The following BMAL2 variants were observed in gnomAD, a reference collection of about 807,000 sequenced individuals.
BMAL2 encodes basic helix-loop-helix ARNT like 2, also known as basic helix-loop-helix ARNT-like protein 2.
the BMAL2 span, among the ~76,000 whole-genome samples, chr12:27,395,852 G>C: frequency 6.6e-6 from 1 of 152,220 alleles, no homozygotes; most frequent in African/African-American, 2.4e-5. Flanking sequence ...ACTAGACTCT[G>C]CCTCCCAACA....
At chr12:27,396,170 AG>A in the BMAL2 span, among the ~76,000 whole-genome samples, 1 of 152,230 alleles carries the variant, frequency 6.6e-6, no homozygotes, top group Non-Finnish European at 1.5e-5. Context: ...CGACAACCTG[AG>A]CAGACTAATA....
the BMAL2 span, chr12:27,400,508 G>A: frequency 5.9e-6 from 9 of 1,521,970 alleles, no homozygotes; most frequent in African/African-American, 2.8e-5. Flanking sequence ...TGATCCAAAT[G>A]TCCTTTTTAA....
chr12:27,419,540 C>T, the BMAL2 span, among the ~76,000 whole-genome samples: 19 of 152,176 alleles, frequency 1.2e-4, no homozygotes, highest in African/African-American at 3.6e-4. Context: ...TTGTATCAGG[C>T]CTCACTTCTC....
chr12:27,401,332 C>T, the BMAL2 span: 1 of 1,613,922 alleles, frequency 6.2e-7, no homozygotes, highest in Non-Finnish European at 8.5e-7. Flanking sequence ...ATCAAGATGA[C>T]CACAATAATT....
the BMAL2 span, chr12:27,422,573 C>G: frequency 1.3e-5 from 2 of 152,162 alleles, no homozygotes; most frequent in African/African-American, 2.4e-5. Context: ...GGGTTGGCAC[C>G]ATTCCTGGTC....
At chr12:27,368,238 CTTG>C in the BMAL2 span, 17 of 1,611,556 alleles carry the variant, frequency 1.1e-5, no homozygotes, top group Admixed American at 1.5e-4. Flanking sequence ...AAATAAATGT[CTTG>C]TTGTACTCTG....
the BMAL2 span, chr12:27,394,334 C>T: frequency 6.6e-6 from 1 of 152,236 alleles, no homozygotes; most frequent in African/African-American, 2.4e-5. Flanking sequence ...TGGCTTGAGT[C>T]CCAGGTACCC....
At chr12:27,343,563 A>G in the BMAL2 span, among the ~76,000 whole-genome samples, 1 of 152,234 alleles carries the variant, frequency 6.6e-6, no homozygotes, top group Non-Finnish European at 1.5e-5. Flanking sequence ...ATTTTCCAGT[A>G]TATAACAATG....
At chr12:27,400,824 C>G in the BMAL2 span, 4 of 1,477,558 alleles carry the variant, frequency 2.7e-6, no homozygotes. Context: ...ATATTTGAAG[C>G]TATTAAAGGC....
the BMAL2 span, chr12:27,421,172 CAA>C: frequency 6.6e-6 from 1 of 152,108 alleles, no homozygotes; most frequent in Non-Finnish European, 1.5e-5. Flanking sequence ...CTCAGAAAGT[CAA>C]AAGAGTTTCA....
At chr12:27,364,197 T>A in the BMAL2 span, among the ~76,000 whole-genome samples, 1 of 152,196 alleles carries the variant, frequency 6.6e-6, no homozygotes, top group Non-Finnish European at 1.5e-5. Flanking sequence ...CCTAATCACC[T>A]CCTAGTGGCC....
chr12:27,376,432 C>T, the BMAL2 span: 1 of 1,583,424 alleles, frequency 6.3e-7, no homozygotes, highest in Non-Finnish European at 8.7e-7. Flanking sequence ...TGGAAAGGTA[C>T]ACAAAGGCAA....
chr12:27,390,043 T>C, the BMAL2 span: 50 of 1,588,154 alleles, frequency 3.1e-5, no homozygotes, highest in Non-Finnish European at 4.1e-5. Context: ...AATTTCAAAA[T>C]TATTTGACAA....
At chr12:27,401,626 C>A in the BMAL2 span, 1 of 1,611,184 alleles carries the variant, frequency 6.2e-7, no homozygotes, top group Admixed American at 1.7e-5. Flanking sequence ...TTCACAAATC[C>A]TTGGACAAAA....
chr12:27,413,871 G>A, the BMAL2 span, among the ~76,000 whole-genome samples: 1 of 152,112 alleles, frequency 6.6e-6, no homozygotes, highest in Non-Finnish European at 1.5e-5. Context: ...CAGAATAGAT[G>A]TTAAGTCAAA....
chr12:27,351,275 C>T, the BMAL2 span, among the ~76,000 whole-genome samples: 11 of 152,070 alleles, frequency 7.2e-5, no homozygotes, highest in African/African-American at 2.4e-4. Context: ...GGCTTGAGCC[C>T]CTGGCACCTG....
At chr12:27,379,172 T>A in the BMAL2 span, among the ~76,000 whole-genome samples, 2 of 152,112 alleles carry the variant, frequency 1.3e-5, no homozygotes, top group Non-Finnish European at 2.9e-5. Flanking sequence ...ATAAACCCTA[T>A]AGAAGGAAGA....
At chr12:27,384,886 T>C in the BMAL2 span, among the ~76,000 whole-genome samples, 3 of 152,226 alleles carry the variant, frequency 2.0e-5, no homozygotes, top group East Asian at 3.8e-4. Context: ...AATCCTTGAA[T>C]TTTATTTCAT....
chr12:27,397,649 A>C, the BMAL2 span, among the ~76,000 whole-genome samples: 1 of 152,234 alleles, frequency 6.6e-6, no homozygotes, highest in African/African-American at 2.4e-5. Context: ...TTGACATTTT[A>C]AAAAATTATT....
Sources: gnomAD v4.1 joint callset for allele counts (sites outside exome capture counted in the v4.1 genomes callset) on GRCh38, gnomAD v4.1.1 for gene constraint, MANE v1.5 for transcripts, NCBI Gene and HGNC (gene_info 2026-07-23, HGNC 2026-07-21) for gene names.